The following KLF8 variants were observed in gnomAD, a reference collection of about 807,000 sequenced individuals.
KLF8 encodes the protein KLF transcription factor 8.
A neutral mutation model predicts 18.2 loss-of-function variants in KLF8; 10 were observed. The observed-to-expected ratio is 0.55, with a 90% CI of 0.34 to 0.93. The LOEUF is 0.93. Among genes scored for constraint, KLF8 ranks in the 40% least tolerant of loss-of-function variants. The probability of loss-of-function intolerance (pLI) is 0.02; values close to 1 mark genes in which losing one functional copy is unlikely to be tolerated. For synonymous variants in KLF8, 109 were observed against 97.3 expected (o/e 1.12, Z -0.71); for missense variants, 264 against 277.9 (o/e 0.95, Z 0.36).
the KLF8 span, among the ~76,000 whole-genome samples, chrX:56,037,793 G>A: frequency 3.5e-4 from 39 of 111,518 alleles, no homozygotes; most frequent in Non-Finnish European, 5.7e-4. Flanking sequence ...ATCCCCTCAA[G>A]CATTTATCCA....
the KLF8 span, among the ~76,000 whole-genome samples, chrX:56,210,206 T>C: frequency 8.9e-6 from 1 of 112,082 alleles, no homozygotes. Context: ...AAATGCTTTC[T>C]AGCATTTCTT....
the KLF8 span, among the ~76,000 whole-genome samples, chrX:56,195,627 G>A: frequency 8.9e-6 from 1 of 112,126 alleles, no homozygotes; most frequent in South Asian, 3.7e-4. Flanking sequence ...GAAAGTGATG[G>A]GGAGAATGGA....
chrX:56,238,708 C>T (rs913011735), intron 1 of KLF8, among the ~76,000 whole-genome samples: 4 of 111,720 alleles, frequency 3.6e-5, no homozygotes, highest in Non-Finnish European at 5.6e-5. Context: ...AAGCTCTTAC[C>T]GCAGTACTCA....
the KLF8 span, among the ~76,000 whole-genome samples, chrX:56,153,334 A>T: frequency 1.8e-5 from 2 of 109,353 alleles, no homozygotes; most frequent in East Asian, 5.8e-4. Context: ...TTGCATGGGG[A>T]ACAGAGAGGG....
At chrX:56,043,048 A>T in the KLF8 span, among the ~76,000 whole-genome samples, 10 of 111,774 alleles carry the variant, frequency 8.9e-5, no homozygotes. Flanking sequence ...TGTCTGAAAC[A>T]TATCTTATTT....
chrX:56,160,496 G>A, the KLF8 span, among the ~76,000 whole-genome samples: 1 of 111,347 alleles, frequency 9.0e-6, no homozygotes, highest in South Asian at 3.8e-4. Context: ...GGGTGTTAAA[G>A]TCTCCCATTA....
chrX:56,106,577 C>A, the KLF8 span, among the ~76,000 whole-genome samples: 10 of 112,167 alleles, frequency 8.9e-5, no homozygotes, highest in Middle Eastern at 4.6e-3. Flanking sequence ...CACTTAAGTT[C>A]TTCCCTGCAC....
the KLF8 span, among the ~76,000 whole-genome samples, chrX:56,161,155 G>A: frequency 9.0e-6 from 1 of 111,590 alleles, no homozygotes; most frequent in Admixed American, 9.6e-5. Context: ...ATGAAGCTTA[G>A]TTTAGCTGGA....
chrX:56,184,394 C>A, the KLF8 span, among the ~76,000 whole-genome samples: 1 of 112,549 alleles, frequency 8.9e-6, no homozygotes, highest in African/African-American at 3.2e-5. Context: ...TGGAGCCCAC[C>A]ACAGCTCAAG....
intron 5 of KLF8, among the ~76,000 whole-genome samples, chrX:56,277,373 A>G (rs1239825955): frequency 2.7e-5 from 3 of 112,333 alleles, no homozygotes; most frequent in Non-Finnish European, 5.6e-5. Flanking sequence ...GGGACACCCC[A>G]AGCCCAGAAG....
At chrX:55,948,221 A>G in the KLF8 span, among the ~76,000 whole-genome samples, 6 of 112,532 alleles carry the variant, frequency 5.3e-5, no homozygotes, top group Non-Finnish European at 1.1e-4. Flanking sequence ...ACAAGTCAGC[A>G]AAGTTTTTCT....
chrX:55,956,025 C>A, the KLF8 span, among the ~76,000 whole-genome samples: 41 of 110,865 alleles, frequency 3.7e-4, no homozygotes, highest in Non-Finnish European at 7.8e-4. Context: ...CCCACTCAGC[C>A]AGTTTACTCA....
chrX:55,912,228 C>T, the KLF8 span, among the ~76,000 whole-genome samples: 3 of 111,435 alleles, frequency 2.7e-5, no homozygotes, highest in African/African-American at 9.8e-5. Flanking sequence ...CATACACCAT[C>T]TGGGTGACCT....
the KLF8 span, among the ~76,000 whole-genome samples, chrX:56,147,288 G>C: frequency 1.8e-5 from 2 of 111,641 alleles, no homozygotes; most frequent in Non-Finnish European, 3.8e-5. Context: ...TCTCACCTGT[G>C]CTGAATGAAA....
chrX:56,005,114 C>G, the KLF8 span, among the ~76,000 whole-genome samples: 2 of 109,460 alleles, frequency 1.8e-5, no homozygotes, highest in African/African-American at 6.6e-5. Flanking sequence ...GCGGTCTTGG[C>G]TCACTGCAAC....
At chrX:56,216,451 G>C in the KLF8 span, among the ~76,000 whole-genome samples, 1 of 110,657 alleles carries the variant, frequency 9.0e-6, no homozygotes, top group Non-Finnish European at 1.9e-5. Context: ...TTGAACTCCT[G>C]TGCTCAAGTG....
At chrX:56,073,233 C>T in the KLF8 span, among the ~76,000 whole-genome samples, 1 of 111,489 alleles carries the variant, frequency 9.0e-6, no homozygotes, top group Non-Finnish European at 1.9e-5. Flanking sequence ...GTGATCCGAC[C>T]GCCTCAGCCT....
the KLF8 span, among the ~76,000 whole-genome samples, chrX:55,927,568 A>G: frequency 1.2e-4 from 13 of 111,975 alleles, no homozygotes; most frequent in Admixed American, 2.8e-4. Flanking sequence ...ATCTACTGTT[A>G]TTTGGAATTA....
chrX:56,173,448 A>C, the KLF8 span, among the ~76,000 whole-genome samples: 1 of 111,318 alleles, frequency 9.0e-6, no homozygotes, highest in Non-Finnish European at 1.9e-5. Flanking sequence ...GTTCTGTTCC[A>C]TTTGTCTATA....
Sources: gnomAD v4.1 joint callset for allele counts (sites outside exome capture counted in the v4.1 genomes callset) on GRCh38, gnomAD v4.1.1 for gene constraint, MANE v1.5 for transcripts, NCBI Gene and HGNC (gene_info 2026-07-23, HGNC 2026-07-21) for gene names.